Variants in SYNE3 observed in about 807,000 individuals in gnomAD.
The protein encoded by SYNE3 is nesprin-3.
In SYNE3, 100 loss-of-function variants were observed where a neutral mutation model predicts 111.2. The observed-to-expected ratio is 0.90, with a 90% confidence interval of 0.77 to 1.06. The LOEUF (loss-of-function observed/expected upper bound fraction) is 1.06, where lower values mean the gene tolerates loss of function less well. Ranked by LOEUF, SYNE3 falls within the 50% of genes least tolerant of loss-of-function variation. SYNE3 has a pLI of 0.00. For missense variants in SYNE3, 1,160 were observed against 1,240.3 expected, an observed-to-expected ratio of 0.94 and a Z score of 0.97; for synonymous variants, 547 against 533.9, an observed-to-expected ratio of 1.02 and a Z score of -0.34.
rs1438631420 is a variant in SYNE3 at position 95,411,403 on chromosome 14, C to T, written c.*6423G>A. On this transcript the variant is annotated 3_prime_UTR_variant, in exon 18 of 18. Coordinates refer to ENST00000682763, the MANE Select transcript of SYNE3 (RefSeq NM_152592.6). ...CTGGTACAGGTGTAAGGATGTCAAA[C>T]AGGTTTTGCTCACATAAGAAAATGA... The T allele has an allele frequency of 6.6e-6, 1 of 151,330 alleles. No individual in the cohort carries two copies. Among genetic ancestry groups the T allele is most frequent in the Non-Finnish European group, 1.5e-5 (1 of 67,930 alleles). The allele number at this position is 151,330 out of a possible 1,614,324, so 9.4% of individuals were successfully genotyped here.
chr14:95,429,798 G>A lies in SYNE3; in HGVS notation c.2727+2281C>T, dbSNP rs193153931. 3.8e-4 allele frequency: 135 copies of A among 355,318 alleles called. No individual in the cohort carries two copies. In the Middle Eastern group the frequency reaches 6.7e-3, roughly 18 times the overall value. 22.0% of individuals were successfully genotyped at this position (355,318 alleles called of 1,614,324 possible). On this transcript the variant is annotated intron_variant, in intron 17 of 17. Coordinates refer to ENST00000682763, the MANE Select transcript of SYNE3 (RefSeq NM_152592.6). ...CCTCAGGGCTACATGGATCACAAGT[G>A]GTGTGACCTTCAGAGCTCTCTGACC...
chr14:95,447,135 CT>C (rs11412651), intron 8 of SYNE3, among the ~76,000 whole-genome samples: 38,722 of 134,328 alleles, frequency 0.29, 5,552 homozygotes, highest in African/African-American at 0.43. Context: ...AGTGGTCATT[CT>C]TTTTTTTTTT....
intron 1 of SYNE3, among the ~76,000 whole-genome samples, chr14:95,499,275 T>C (rs1890230209): frequency 1.3e-5 from 2 of 152,238 alleles, no homozygotes; most frequent in African/African-American, 2.4e-5. Context: ...AAGGCTTTTC[T>C]GAATGAACGC....
intron 1 of SYNE3, among the ~76,000 whole-genome samples, 137 bp downstream of exon 1, chr14:95,516,459 A>G (rs1307913795): frequency 1.3e-5 from 2 of 150,814 alleles, no homozygotes; most frequent in Admixed American, 1.3e-4. Context: ...GCGCCTCCCC[A>G]GGTCCCCCAG....
intron 1 of SYNE3, among the ~76,000 whole-genome samples, chr14:95,484,817 T>A (rs1889456831): frequency 6.6e-6 from 1 of 152,214 alleles, no homozygotes; most frequent in African/African-American, 2.4e-5. Context: ...TGCATATGTA[T>A]AAATGTAGAA....
rs957652451 is a variant in SYNE3, at chr14:95,410,357, C to T, written c.*7469G>A. 2 of 152,236 alleles carry T rather than the reference C, an allele frequency of 1.3e-5. No individual in the cohort carries two copies. The highest frequency in any genetic ancestry group is 2.4e-5 in the African/African-American group (1 of 41,450). 9.4% of individuals were successfully genotyped at this position (152,236 alleles called of 1,614,324 possible). On this transcript the variant is annotated 3_prime_UTR_variant, in exon 18 of 18. Transcript: ENST00000682763. ...AAGTGCCACTCCAAGCCACCCTACC[C>T]TTCATTCTTACTAGAAGAGCCCCCA...
intron 17 of SYNE3, among the ~76,000 whole-genome samples, chr14:95,418,680 T>G (rs1265611058): frequency 2.0e-5 from 3 of 152,036 alleles, no homozygotes; most frequent in Non-Finnish European, 2.9e-5. Context: ...CTCAGCTCAC[T>G]GCACCCTCCA....
At chr14:95,435,052 C>G (rs1450199069) in intron 15 of SYNE3, among the ~76,000 whole-genome samples, 2 of 152,160 alleles carry the variant, frequency 1.3e-5, no homozygotes, top group Non-Finnish European at 2.9e-5. Flanking sequence ...AGAGTAAGAA[C>G]AGGCAGAAAT....
rs762409860 is a variant in SYNE3, at chr14:95,417,907, C to T, written c.2847G>A (p.Glu949=). ...LLLFLLPIRE[E]DRSCTLANNF... is the part of the protein sequence containing the mutation. ...TGTTGGCCAGGGTGCAGCTGCGGTCCTCTTCCCTGATTGGGAGCAGGAACA... is the reference window on the plus strand; with the variant it reads ...TGTTGGCCAGGGTGCAGCTGCGGTCTTCTTCCCTGATTGGGAGCAGGAACA... Residue 949 remains glutamate, a synonymous_variant, in exon 18 of 18, where the codon GAG becomes GAA. Coordinates refer to ENST00000682763, the MANE Select transcript of SYNE3 (RefSeq NM_152592.6). 3 of 1,614,194 alleles carry T rather than the reference C, an allele frequency of 1.9e-6. No individual in the cohort carries two copies. The highest frequency in any genetic ancestry group is 2.5e-6 in the Non-Finnish European group (3 of 1,180,032).
At chr14:95,459,426 G>A (rs1037596337) in intron 4 of SYNE3, among the ~76,000 whole-genome samples, 10 of 152,094 alleles carry the variant, frequency 6.6e-5, no homozygotes, top group Non-Finnish European at 1.5e-5. Flanking sequence ...TTAGCAGGGT[G>A]TGGTGGTGTG....
At chr14:95,491,710 A>G (rs1455584313) in intron 1 of SYNE3, among the ~76,000 whole-genome samples, 1 of 150,258 alleles carries the variant, frequency 6.7e-6, no homozygotes, top group Non-Finnish European at 1.5e-5. Flanking sequence ...GCAACAAAAT[A>G]AAAAAATAGA....
chr14:95,469,881 GA>G (rs1888419021), intron 2 of SYNE3, among the ~76,000 whole-genome samples: 1 of 127,408 alleles, frequency 7.8e-6, no homozygotes, highest in Non-Finnish European at 1.9e-5. Context: ...AATCGTTGAT[GA>G]TGACGATGAT....
At chr14:95,502,788 C>T (rs532831913) in intron 1 of SYNE3, among the ~76,000 whole-genome samples, 1 of 152,332 alleles carries the variant, frequency 6.6e-6, no homozygotes, top group Admixed American at 6.5e-5. Context: ...CCTTCTAGAG[C>T]CCTTTCCGCT....
chr14:95,436,336 G>A (rs948191548), intron 15 of SYNE3, among the ~76,000 whole-genome samples: 1 of 152,172 alleles, frequency 6.6e-6, no homozygotes, highest in Non-Finnish European at 1.5e-5. Flanking sequence ...AGTCCAAGCT[G>A]TGCCACAGGA....
At chr14:95,433,694 G>A (rs1885922959) in intron 15 of SYNE3, among the ~76,000 whole-genome samples, 1 of 152,230 alleles carries the variant, frequency 6.6e-6, no homozygotes, top group Non-Finnish European at 1.5e-5. Flanking sequence ...CCTCCAGAGG[G>A]CTTGACTAGA....
At chr14:95,466,338 G>A in intron 3 of SYNE3, 98 bp from the exon 4 acceptor site, 4 of 1,379,562 alleles carry the variant, frequency 2.9e-6, no homozygotes, top group Non-Finnish European at 2.9e-6. Flanking sequence ...CTAGGGGGCT[G>A]TGGTCTGGGG....
At chr14:95,452,829 A>G (rs1386755467) in intron 6 of SYNE3, among the ~76,000 whole-genome samples, 1 of 152,210 alleles carries the variant, frequency 6.6e-6, no homozygotes, top group African/African-American at 2.4e-5. Flanking sequence ...GAGTCTGTAG[A>G]TGGTGGACCG....
chr14:95,425,872 T>C (rs1885401960), intron 17 of SYNE3, among the ~76,000 whole-genome samples: 1 of 152,254 alleles, frequency 6.6e-6, no homozygotes, highest in Non-Finnish European at 1.5e-5. Flanking sequence ...TTATCAACAC[T>C]GACCTAGATA....
At chr14:95,493,345 G>A (rs116515922) in intron 1 of SYNE3, among the ~76,000 whole-genome samples, 1,582 of 152,256 alleles carry the variant, frequency 0.01, 29 homozygotes, top group African/African-American at 0.036. Context: ...AATCATCCCC[G>A]TATCAGAGAT....
Sources: gnomAD v4.1 joint callset for allele counts (sites outside exome capture counted in the v4.1 genomes callset) on GRCh38, gnomAD v4.1.1 for gene constraint, MANE v1.5 for transcripts, NCBI Gene and HGNC (gene_info 2026-07-23, HGNC 2026-07-21) for gene names.